Variants in HDHD5 observed in about 807,000 individuals in gnomAD.
HDHD5 encodes the protein haloacid dehalogenase-like hydrolase domain-containing 5.
Under a neutral mutation model 35.5 loss-of-function variants are expected in HDHD5, and 34 were observed. The observed-to-expected ratio is 0.96, with a 90% CI of 0.73 to 1.28. The LOEUF (loss-of-function observed/expected upper bound fraction) is 1.28, where lower values mean the gene tolerates loss of function less well. HDHD5 is among the 50% of genes most tolerant of loss of function. HDHD5 has a pLI of 0.00. For missense variants in HDHD5, 589 were observed against 560.2 expected, an observed-to-expected ratio of 1.05 and a Z score of -0.52; for synonymous variants, 248 against 240.6, an observed-to-expected ratio of 1.03 and a Z score of -0.29.
At chr22:17,156,752 G>T (rs2061796817) in intron 1 of HDHD5, among the ~76,000 whole-genome samples, 1 of 151,294 alleles carries the variant, frequency 6.6e-6, no homozygotes, top group South Asian at 2.1e-4. Flanking sequence ...CTCCAGCCTG[G>T]GCAACAGAGC....
upstream of HDHD5, among the ~76,000 whole-genome samples, chr22:17,163,066 A>T (rs1245482225): frequency 6.6e-6 from 1 of 152,242 alleles, no homozygotes; most frequent in Non-Finnish European, 1.5e-5. Context: ...GAGACTTCCC[A>T]AATCTTTATA....
chr22:17,141,020 T>C (rs761385688), intron 6 of HDHD5, 39 bp downstream of exon 6: 11 of 1,530,728 alleles, frequency 7.2e-6, no homozygotes, highest in South Asian at 3.8e-5. Flanking sequence ...CAGCCAGGAA[T>C]AGACCACCAG....
intron 5 of HDHD5, chr22:17,141,443 G>A: frequency 7.4e-7 from 1 of 1,358,586 alleles, no homozygotes; most frequent in Non-Finnish European, 9.4e-7. Flanking sequence ...AGATTCCTGA[G>A]GGCTCCCATT....
chr22:17,141,045 C>G lies in HDHD5; in HGVS notation c.746+14G>C. ...TAGACCACCAGGCCAAGGCTGGGAG[C>G]TTTGTGTCCTCACCTGGGCATCTTG... On this transcript the variant is annotated intron_variant, in intron 6 of 7. Coordinates refer to ENST00000336737, the MANE Select transcript of HDHD5 (RefSeq NM_033070.3). 1 of 1,566,730 alleles carries G rather than the reference C, an allele frequency of 6.4e-7. No individual in the cohort carries two copies.
At chr22:17,148,305 G>T in intron 3 of HDHD5, 143 bp downstream of exon 3, 1 of 706,148 alleles carries the variant, frequency 1.4e-6, no homozygotes, top group South Asian at 1.7e-5. Flanking sequence ...ACAGTCGGGA[G>T]CTGTCCTCCC....
At chr22:17,148,700 C>T in intron 2 of HDHD5, 140 bp from the exon 3 acceptor site, 1 of 647,408 alleles carries the variant, frequency 1.5e-6, no homozygotes, top group Admixed American at 2.6e-5. Flanking sequence ...CCCTTTCTAG[C>T]ACCCAGCAGC....
Position 17,145,111 on chromosome 22 carries a change from G to A in HDHD5, c.450C>T (p.Gly150=), listed in dbSNP as rs1439857158. The change falls in exon 4 of 8, where the codon GGC becomes GGT. Residue 150 remains glycine (G), a synonymous_variant. Coordinates refer to ENST00000336737, the MANE Select transcript of HDHD5 (RefSeq NM_033070.3). ...CATCCACGGTGACGACATTTCGGAAGCCCAGTCTGGAGCAAGCTCAGGAAG... is the reference window on the plus strand; with the variant it reads ...CATCCACGGTGACGACATTTCGGAAACCCAGTCTGGAGCAAGCTCAGGAAG... The part of the protein sequence containing the change: ...GPVMENAQGL[G]FRNVVTVDEL... 8 of 1,614,074 alleles carry A rather than the reference G, an allele frequency of 5.0e-6. No individual in the cohort carries two copies. In the South Asian group the frequency reaches 8.8e-5, roughly 18 times the overall value.
chr22:17,162,502 TC>T (rs2061869652), upstream of HDHD5, among the ~76,000 whole-genome samples: 1 of 152,214 alleles, frequency 6.6e-6, no homozygotes, highest in Non-Finnish European at 1.5e-5. Context: ...ATAAGACCAT[TC>T]CAGCCCATCC....
intron 1 of HDHD5, among the ~76,000 whole-genome samples, chr22:17,153,666 T>C (rs2061753603): frequency 6.6e-6 from 1 of 152,136 alleles, no homozygotes; most frequent in African/African-American, 2.4e-5. Context: ...TTCTTATTCT[T>C]CTCAAGGAGA....
chr22:17,160,270 T>C (rs1374015995), upstream of HDHD5, among the ~76,000 whole-genome samples: 1 of 151,970 alleles, frequency 6.6e-6, no homozygotes, highest in Non-Finnish European at 1.5e-5. Flanking sequence ...CCCAGAACTT[T>C]GGAAGGTCAA....
At position 17,138,135 on chromosome 22, in the gene HDHD5, G is replaced by A. The variant is rs750544181; in HGVS notation, c.1158C>T (p.His386=). Residue 386 remains histidine, a synonymous_variant, in exon 8 of 8, where the codon CAC becomes CAT. Transcript: ENST00000336737. ...PVLGGGEPPF[H]GHRDLCFSPG... is the part of the protein sequence containing the mutation. ...GACTGAAGCATAAGTCTCGGTGCCC[G>A]TGGAATGGAGGCTCCCCTCCTCCAA... 20 of 1,614,080 alleles carry A rather than the reference G, an allele frequency of 1.2e-5. No homozygotes were observed. The highest frequency in any genetic ancestry group is 1.1e-4 in the East Asian group (5 of 44,890).
At chr22:17,140,535 T>C (rs2061588036) in intron 6 of HDHD5, among the ~76,000 whole-genome samples, 1 of 152,028 alleles carries the variant, frequency 6.6e-6, no homozygotes, top group Non-Finnish European at 1.5e-5. Context: ...CAGTGAGCTA[T>C]GACTGCACCA....
At chr22:17,145,212 C>T (rs1568942803) in intron 3 of HDHD5, 95 bp from the exon 4 acceptor site, 2 of 1,554,346 alleles carry the variant, frequency 1.3e-6, no homozygotes, top group Non-Finnish European at 1.7e-6. Context: ...CAACCCACTC[C>T]TGATCAAGCC....
chr22:17,144,966 T>C, intron 4 of HDHD5, 58 bp downstream of exon 4: 1 of 1,601,364 alleles, frequency 6.2e-7, no homozygotes, highest in Non-Finnish European at 8.5e-7. Context: ...ACACAGCCAA[T>C]GCAGGGCACT....
intron 5 of HDHD5, chr22:17,141,735 T>A: frequency 2.6e-6 from 1 of 377,488 alleles, no homozygotes; most frequent in Non-Finnish European, 3.7e-6. Context: ...TCTCTAAGCC[T>A]CAGTTTCCTC....
upstream of HDHD5, among the ~76,000 whole-genome samples, chr22:17,161,452 G>C (rs1414726183): frequency 6.6e-6 from 1 of 151,828 alleles, no homozygotes; most frequent in Non-Finnish European, 1.5e-5. Context: ...CCAGCTACTT[G>C]GGAGGCTGAG....
At chr22:17,145,156 G>C in intron 3 of HDHD5, 39 bp from the exon 4 acceptor site, 2 of 1,612,376 alleles carry the variant, frequency 1.2e-6, no homozygotes, top group Non-Finnish European at 8.5e-7. Flanking sequence ...ACAGTTCTTG[G>C]GGAAGATGCC....
chr22:17,140,072 G>T (rs2061582597), intron 6 of HDHD5, among the ~76,000 whole-genome samples: 1 of 152,154 alleles, frequency 6.6e-6, no homozygotes, highest in Non-Finnish European at 1.5e-5. Context: ...CACTTTAAAA[G>T]TGACAAGAGC....
At chr22:17,163,701 A>G (rs2061876229), upstream of HDHD5, among the ~76,000 whole-genome samples, 1 of 152,158 alleles carries the variant, frequency 6.6e-6, no homozygotes, top group Non-Finnish European at 1.5e-5. Context: ...TTGTGGCCCA[A>G]ACCCCATAAA....
Sources: gnomAD v4.1 joint callset for allele counts (sites outside exome capture counted in the v4.1 genomes callset) on GRCh38, gnomAD v4.1.1 for gene constraint, MANE v1.5 for transcripts, NCBI Gene and HGNC (gene_info 2026-07-23, HGNC 2026-07-21) for gene names.